The following IFT43 variants were observed in gnomAD, a reference collection of about 807,000 sequenced individuals.
The protein encoded by IFT43 is intraflagellar transport protein 43 homolog.
Under a neutral mutation model 32.3 loss-of-function variants are expected in IFT43, and 33 were observed. The ratio of observed to expected loss-of-function variants is 1.02; its 90% CI spans 0.77 to 1.37. The LOEUF (loss-of-function observed/expected upper bound fraction) is 1.37, where lower values mean the gene tolerates loss of function less well. Ranked by LOEUF, IFT43 falls within the 40% of genes most tolerant of loss-of-function variation. The pLI, the probability that IFT43 is intolerant of heterozygous loss-of-function variation, is 0.00. For synonymous variants in IFT43, 93 were observed against 98.2 expected (o/e 0.95, Z 0.31); for missense variants, 274 against 265.9 (o/e 1.03, Z -0.21).
chr14:76,012,940 T>G (rs1323696306), intron 2 of IFT43, among the ~76,000 whole-genome samples: 2 of 152,152 alleles, frequency 1.3e-5, no homozygotes, highest in African/African-American at 4.8e-5. Context: ...CTTTCTGGCT[T>G]TTAAGTTTGT....
chr14:75,986,262 T>C (rs896696244), intron 1 of IFT43: 26 of 1,283,866 alleles, frequency 2.0e-5, no homozygotes, highest in Non-Finnish European at 2.5e-5. Context: ...AAAGCCGCAC[T>C]GTTTTATGCA....
chr14:75,999,255 ATATATATATATATATATGTATATATATT>A (rs1450588496), intron 2 of IFT43, among the ~76,000 whole-genome samples: 5 of 10,496 alleles, frequency 4.8e-4, no homozygotes, highest in East Asian at 1.9e-3. Context: ...ATATATATAT[ATATATATATATATATATGTATATATATT>A]TTTTTTTTTT....
chr14:76,055,110 A>G (rs1389644729), intron 3 of IFT43, among the ~76,000 whole-genome samples: 1 of 152,194 alleles, frequency 6.6e-6, no homozygotes, highest in Non-Finnish European at 1.5e-5. Context: ...TTGGGAGGCA[A>G]AAGCAGGAGA....
intron 5 of IFT43, among the ~76,000 whole-genome samples, chr14:76,081,641 C>T (rs1194956771): frequency 6.6e-6 from 1 of 152,144 alleles, no homozygotes; most frequent in Non-Finnish European, 1.5e-5. Context: ...CTGGAGAGTT[C>T]AGAGATGGAA....
At chr14:76,008,634 T>C (rs577845859) in intron 2 of IFT43, among the ~76,000 whole-genome samples, 1 of 152,286 alleles carries the variant, frequency 6.6e-6, no homozygotes, top group African/African-American at 2.4e-5. Context: ...TCCCCACCTT[T>C]AAATAGCTTT....
intron 2 of IFT43, among the ~76,000 whole-genome samples, chr14:76,011,554 T>C (rs776051809): frequency 1.1e-4 from 16 of 152,232 alleles, no homozygotes; most frequent in Non-Finnish European, 1.6e-4. Context: ...ATGTAATATA[T>C]GGGTTGATTC....
At position 75,999,264 on chromosome 14, in the gene IFT43, TATATATATGTATATATA is replaced by T. The variant is rs1446963632; in HGVS notation, c.147+10288_147+10304del. Among the ~76,000 whole-genome samples the T allele has an allele frequency of 2.8e-3, 74 of 26,058 alleles. 1 individual carries two copies. Among genetic ancestry groups the T allele is most frequent in the African/African-American group, 9.4e-3 (41 of 4,346 alleles). The allele number at this position is 26,058 out of a possible 152,430, so 17.1% of individuals were successfully genotyped here. ...ATATATATATATATATATATATATA[TATATATATGTATATATA>T]TTTTTTTTTTTTTTTTTTTAATTTT... On this transcript the variant is annotated intron_variant, in intron 2 of 8. Transcript: ENST00000314067.
intron 2 of IFT43, among the ~76,000 whole-genome samples, chr14:76,013,189 G>A (rs2036118084): frequency 6.6e-6 from 1 of 152,156 alleles, no homozygotes; most frequent in South Asian, 2.1e-4. Context: ...CTGTAAATGA[G>A]TAGGCCATTA....
intron 2 of IFT43, among the ~76,000 whole-genome samples, chr14:75,992,434 G>A (rs893096140): frequency 5.9e-5 from 9 of 152,226 alleles, no homozygotes; most frequent in Non-Finnish European, 8.8e-5. Context: ...AAAGGGCACC[G>A]AAGAAAGAGC....
intron 2 of IFT43, among the ~76,000 whole-genome samples, chr14:76,012,380 T>C (rs2036102392): frequency 6.6e-6 from 1 of 152,192 alleles, no homozygotes; most frequent in African/African-American, 2.4e-5. Flanking sequence ...TAATTCCAGT[T>C]ATTGAATCCT....
Position 76,027,141 on chromosome 14 carries a change from A to G in IFT43, c.215+4747A>G, listed in dbSNP as rs151144611. The stretch of plus-strand genomic sequence containing the variant: ...AAAATAACTACTGGGTACTAGGCTT[A>G]ATGTCAGGGTGATGAAATAATTTGT... On this transcript the variant is annotated intron_variant, in intron 3 of 8. Transcript: ENST00000314067. Among the ~76,000 whole-genome samples, 208 of 152,280 alleles carry G rather than the reference A, an allele frequency of 1.4e-3. 1 individual carries two copies. Among genetic ancestry groups the G allele is most frequent in the African/African-American group, 4.6e-3 (191 of 41,544 alleles).
intron 2 of IFT43, among the ~76,000 whole-genome samples, chr14:75,999,657 T>C (rs1437415830): frequency 6.6e-6 from 1 of 152,144 alleles, no homozygotes; most frequent in Non-Finnish European, 1.5e-5. Context: ...GAAGGCTTTC[T>C]AAAAGAGGCA....
chr14:75,995,287 T>C (rs1452556698), intron 2 of IFT43, among the ~76,000 whole-genome samples: 1 of 152,170 alleles, frequency 6.6e-6, no homozygotes, highest in Non-Finnish European at 1.5e-5. Context: ...GACCTCCCAG[T>C]AGAGAAGAGG....
chr14:76,058,983 C>T, intron 4 of IFT43: 1 of 1,431,514 alleles, frequency 7.0e-7, no homozygotes, highest in East Asian at 2.5e-5. Flanking sequence ...ATACCAGCTT[C>T]TAAGCCTTGC....
chr14:76,040,430 A>G (rs951847918), intron 3 of IFT43, among the ~76,000 whole-genome samples: 7 of 152,244 alleles, frequency 4.6e-5, no homozygotes, highest in African/African-American at 1.4e-4. Context: ...TAGATATGGT[A>G]CACATAGATC....
intron 5 of IFT43, among the ~76,000 whole-genome samples, chr14:76,066,571 T>C (rs773512090): frequency 2.6e-5 from 4 of 152,242 alleles, no homozygotes; most frequent in Admixed American, 1.3e-4. Flanking sequence ...TGAAGGCTGC[T>C]CCTTTGAACT....
intron 2 of IFT43, among the ~76,000 whole-genome samples, chr14:76,013,377 T>C (rs2036122253): frequency 6.6e-6 from 1 of 152,156 alleles, no homozygotes; most frequent in Non-Finnish European, 1.5e-5. Context: ...GTGAGGGCGT[T>C]CGCACCCCCA....
At chr14:76,022,632 A>G (rs2139957962) in intron 3 of IFT43, 2 of 351,630 alleles carry the variant, frequency 5.7e-6, no homozygotes, top group Non-Finnish European at 1.0e-5. Flanking sequence ...GAAACCCTGT[A>G]TCTATTAGCA....
intron 5 of IFT43, among the ~76,000 whole-genome samples, chr14:76,075,808 G>A (rs2037402378): frequency 6.6e-6 from 1 of 152,204 alleles, no homozygotes; most frequent in Admixed American, 6.5e-5. Context: ...CCATTTGCCT[G>A]TTTAAAATTC....
Sources: allele counts gnomAD v4.1 joint callset (sites outside exome capture counted in the v4.1 genomes callset), GRCh38; gene constraint gnomAD v4.1.1; transcripts MANE v1.5; gene names NCBI Gene and HGNC (gene_info 2026-07-23, HGNC 2026-07-21).